ZNF205: variants seen among roughly 807,000 people sequenced by gnomAD.
ZNF205 encodes the protein zinc finger protein 205.
Under a neutral mutation model 53.6 loss-of-function variants are expected in ZNF205, and 32 were observed. That is an observed-to-expected ratio of 0.60 (90% CI 0.45 to 0.80). ZNF205 has a LOEUF of 0.80. Ranked by LOEUF, ZNF205 falls within the 30% of genes least tolerant of loss-of-function variation. ZNF205 has a pLI of 0.00. For missense variants in ZNF205, 836 were observed against 782.4 expected (o/e 1.07, Z -0.82); for synonymous variants, 382 against 334.3 (o/e 1.14, Z -1.56).
chr16:3,116,365 A>G (rs1957345404), intron 4 of ZNF205, 62 bp from the exon 5 acceptor site: 1 of 1,599,002 alleles, frequency 6.3e-7, no homozygotes, highest in Middle Eastern at 1.7e-4. Flanking sequence ...ATCTCATGCC[A>G]TGGTGTCCCT....
In ZNF205 at chr16:3,120,413, G is replaced by C. The variant is rs1369341640; in HGVS notation, c.*88G>C. 2.2e-6 allele frequency: 3 copies of C among 1,394,508 alleles called. No homozygotes were observed. Among genetic ancestry groups the C allele is most frequent in the East Asian group, 2.5e-5 (1 of 39,932 alleles). 86.4% of individuals were successfully genotyped at this position (1,394,508 alleles called of 1,614,324 possible). A position where few individuals can be genotyped will look rare whatever the true frequency, so the allele number is the denominator to read the frequency against. Reference sequence around the variant, plus strand: ...CTCCGAGGGAGGAGAGAGGGGCTCGGGAAGGGAGCTGGGGCGGTGAGGGCA... The same window carrying C: ...CTCCGAGGGAGGAGAGAGGGGCTCGCGAAGGGAGCTGGGGCGGTGAGGGCA... On this transcript the variant is annotated 3_prime_UTR_variant, in exon 7 of 7. Coordinates refer to ENST00000219091, the MANE Select transcript of ZNF205 (RefSeq NM_001042428.2).
intron 2 of ZNF205, chr16:3,115,065 C>T: frequency 3.6e-6 from 1 of 279,172 alleles, no homozygotes; most frequent in African/African-American, 2.2e-5. Flanking sequence ...CACTTGGTTT[C>T]TTCATACACT....
rs969116177 is a variant in ZNF205, at chr16:3,120,091, C to T, written c.1431C>T (p.His477=). 7 of 1,613,788 alleles carry T rather than the reference C, an allele frequency of 4.3e-6. No individual in the cohort carries two copies. Among genetic ancestry groups the T allele is most frequent in the Non-Finnish European group, 5.9e-6 (7 of 1,179,866 alleles). The change falls in exon 7 of 7, where the codon CAC becomes CAT. Residue 477 remains histidine, a synonymous_variant. Coordinates refer to ENST00000219091, the MANE Select transcript of ZNF205 (RefSeq NM_001042428.2). ...CACACACAGGCGAGAAGCCCTACCA[C>T]TGCCTCGACTGCGGCAAGAGCTTCA... The part of the protein sequence containing the change: ...NRTHTGEKPY[H]CLDCGKSFSH...
At position 3,115,520 on chromosome 16, in the gene ZNF205, C is replaced by A; in HGVS notation, c.223C>A (p.Pro75Thr). The A allele has an allele frequency of 6.2e-7, 1 of 1,601,910 alleles. No homozygotes were observed. The highest frequency in any genetic ancestry group is 8.5e-7 in the Non-Finnish European group (1 of 1,175,584). Residue 75 changes from proline (P) to threonine (T), a missense_variant, in exon 3 of 7, where the codon CCC becomes ACC. Pro to Thr is a conservative substitution (Grantham distance 38, BLOSUM62 -1). Coordinates refer to ENST00000219091, the MANE Select transcript of ZNF205 (RefSeq NM_001042428.2). ...GGCTCAAGGTGCCTGGGGCTGGGCA[C>A]CCCTAAGTCACGGCTCTAAGGAGAA... ...DGAQGAWGWA[P>T]LSHGSKEKAL...
In ZNF205 at chr16:3,116,245, T is replaced by C. The variant is rs1034312265; in HGVS notation, c.364-182T>C. 3.2e-5 allele frequency: 26 copies of C among 821,348 alleles called. No homozygotes were observed. In the Admixed American group the frequency reaches 7.1e-4, roughly 22 times the overall value. 50.9% of individuals were successfully genotyped at this position (821,348 alleles called of 1,614,324 possible). A position where few individuals can be genotyped will look rare whatever the true frequency, so the allele number is the denominator to read the frequency against. Reference sequence around the variant, plus strand: ...CCTGAAAATACCTCTTGGTCTTTGTTCTTTCTCAACTCCCCAGAAGGCCTT... The same window carrying C: ...CCTGAAAATACCTCTTGGTCTTTGTCCTTTCTCAACTCCCCAGAAGGCCTT... On this transcript the variant is annotated intron_variant, in intron 4 of 6. Coordinates refer to ENST00000219091, the MANE Select transcript of ZNF205 (RefSeq NM_001042428.2).
At chr16:3,113,706 A>C (rs1429164388) in intron 2 of ZNF205, among the ~76,000 whole-genome samples, 1 of 152,114 alleles carries the variant, frequency 6.6e-6, no homozygotes, top group Non-Finnish European at 1.5e-5. Flanking sequence ...CAGGAGATGG[A>C]AGAGGTCTGG....
In ZNF205 at chr16:3,120,417, G is replaced by A. The variant is rs1291398008; in HGVS notation, c.*92G>A. On this transcript the variant is annotated 3_prime_UTR_variant, in exon 7 of 7. Transcript: ENST00000219091. ...GAGGGAGGAGAGAGGGGCTCGGGAA[G>A]GGAGCTGGGGCGGTGAGGGCATGGG... The A allele has an allele frequency of 2.9e-6, 4 of 1,380,098 alleles. No homozygotes were observed. Among genetic ancestry groups the A allele is most frequent in the Non-Finnish European group, 3.8e-6 (4 of 1,049,160 alleles). The allele number at this position is 1,380,098 out of a possible 1,614,324, so 85.5% of individuals were successfully genotyped here. A position where few individuals can be genotyped will look rare whatever the true frequency, so the allele number is the denominator to read the frequency against.
Position 3,118,827 on chromosome 16 carries a change from A to G in ZNF205, c.485-78A>G, listed in dbSNP as rs554245803. On this transcript the variant is annotated intron_variant, in intron 5 of 6. Transcript: ENST00000219091. ...AGAGCCTCACCCCCTACTTGGGCCCATCAGTTTTGGGGAGATGCTGTCTGC... is the reference window on the plus strand; with the variant it reads ...AGAGCCTCACCCCCTACTTGGGCCCGTCAGTTTTGGGGAGATGCTGTCTGC... The G allele has an allele frequency of 8.9e-6, 13 of 1,452,572 alleles. No individual in the cohort carries two copies. The East Asian group carries it at 2.8e-4, about 32-fold the overall frequency. 90.0% of individuals were successfully genotyped at this position (1,452,572 alleles called of 1,614,324 possible).
At chr16:3,116,644 T>C (rs1957350059) in intron 5 of ZNF205, 97 bp downstream of exon 5, 3 of 1,491,404 alleles carry the variant, frequency 2.0e-6, no homozygotes, top group Middle Eastern at 2.3e-4. Context: ...CTCCCACCCT[T>C]CTCCTTGTCC....
chr16:3,116,469 G>A lies in ZNF205; in HGVS notation c.406G>A (p.Glu136Lys). 2 of 1,614,142 alleles carry A rather than the reference G, an allele frequency of 1.2e-6. No individual in the cohort carries two copies. Among genetic ancestry groups the A allele is most frequent in the East Asian group, 2.2e-5 (1 of 44,886 alleles). The part of the protein sequence containing the change: ...FEDVALYLSR[E>K]EWGRLDHTQQ... ...GGATGTGGCCTTGTACCTCTCCCGGGAGGAGTGGGGACGGCTGGACCACAC... is the reference window on the plus strand; with the variant it reads ...GGATGTGGCCTTGTACCTCTCCCGGAAGGAGTGGGGACGGCTGGACCACAC... The change falls in exon 5 of 7, where the codon GAG (glutamate) becomes AAG (lysine). Residue 136 changes from glutamate to lysine, a missense_variant. Transcript: ENST00000219091.
chr16:3,115,157 C>T (rs573803567), intron 2 of ZNF205, 198 bp from the exon 3 acceptor site: 7 of 407,630 alleles, frequency 1.7e-5, no homozygotes, highest in East Asian at 7.4e-5. Flanking sequence ...CCACGCCCAC[C>T]GGCACTGTGG....
chr16:3,119,703 G>T lies in ZNF205; in HGVS notation c.1043G>T (p.Ser348Ile). The T allele has an allele frequency of 6.2e-7, 1 of 1,613,162 alleles. No individual in the cohort carries two copies. The highest frequency in any genetic ancestry group is 1.1e-5 in the South Asian group (1 of 91,058). ...GACTGCGGGAAGCGCTTCGGCCGCA[G>T]CTCGCACCTCATCCAGCACCAGATC... The part of the protein sequence containing the change: ...CTDCGKRFGR[S>I]SHLIQHQIIH... The change falls in exon 7 of 7, where the codon AGC becomes ATC. Residue 348 changes from serine (S) to isoleucine (I), a missense_variant. Transcript: ENST00000219091.
In ZNF205 at chr16:3,118,529, A is replaced by G. The variant is rs1312254704; in HGVS notation, c.485-376A>G. On this transcript the variant is annotated intron_variant, in intron 5 of 6. Transcript: ENST00000219091. Reference sequence around the variant, plus strand: ...ACCCCCCCAAGACTTGACAAATGGGATGACCTTAGTCGTTGGAGATCCTGG... The same window carrying G: ...ACCCCCCCAAGACTTGACAAATGGGGTGACCTTAGTCGTTGGAGATCCTGG... Among the ~76,000 whole-genome samples the G allele has an allele frequency of 9.2e-5, 14 of 152,252 alleles. No homozygotes were observed. The East Asian group carries it at 2.5e-3, about 27-fold the overall frequency.
At chr16:3,119,075 C>G (rs950797941) in intron 6 of ZNF205, 60 bp downstream of exon 6, 23 of 1,583,130 alleles carry the variant, frequency 1.5e-5, no homozygotes, top group Middle Eastern at 4.4e-4. Context: ...GGCCTTCTGG[C>G]TGTTGTCTGT....
intron 3 of ZNF205, 98 bp from the exon 4 acceptor site, chr16:3,115,717 GCCATCCGACCCTGT>G: frequency 7.2e-7 from 1 of 1,393,758 alleles, no homozygotes; most frequent in Non-Finnish European, 9.7e-7. Context: ...CAGCGTCAGA[GCCATCCGACCCTGT>G]CCTTGGGTCG....
chr16:3,119,820 C>G lies in ZNF205; in HGVS notation c.1160C>G (p.Thr387Ser). Residue 387 changes from threonine to serine, a missense_variant, in exon 7 of 7, where the codon ACC becomes AGC. Transcript: ENST00000219091. Reference protein sequence around the residue: ...STLIQHQRIHTGEKPYVCDRC... With the variant: ...STLIQHQRIHSGEKPYVCDRC... ...CTGATTCAGCACCAGCGCATCCACA[C>G]CGGAGAGAAGCCCTACGTGTGCGAC... 6.2e-7 allele frequency: 1 copy of G among 1,613,534 alleles called. No individual in the cohort carries two copies. The highest frequency in any genetic ancestry group is 8.5e-7 in the Non-Finnish European group (1 of 1,179,846).
In ZNF205 at chr16:3,120,454, C is replaced by T. The variant is rs752430574; in HGVS notation, c.*129C>T. The T allele has an allele frequency of 2.0e-5, 23 of 1,138,630 alleles. No homozygotes were observed. The South Asian group carries it at 2.9e-4, about 15-fold the overall frequency. The allele number at this position is 1,138,630 out of a possible 1,614,324, so 70.5% of individuals were successfully genotyped here. ...GGTGAGGGCATGGGGTGAGGCATGG[C>T]GATGGGGGAGGGCGAGGGCGAGAAA... On this transcript the variant is annotated 3_prime_UTR_variant, in exon 7 of 7. Transcript: ENST00000219091.
intron 2 of ZNF205, among the ~76,000 whole-genome samples, chr16:3,113,969 G>A (rs1444509675): frequency 1.3e-5 from 2 of 151,964 alleles, no homozygotes; most frequent in Non-Finnish European, 2.9e-5. Context: ...ATGAGTCAGC[G>A]ACAGGCCAGG....
rs1714946119 is a variant in ZNF205, at chr16:3,120,183, T to C, written c.1523T>C (p.Leu508Ser). 6.2e-7 allele frequency: 1 copy of C among 1,606,566 alleles called. No individual in the cohort carries two copies. The highest frequency in any genetic ancestry group is 1.3e-5 in the African/African-American group (1 of 74,880). Residue 508 changes from leucine to serine, a missense_variant, in exon 7 of 7, where the codon TTG (leucine) becomes TCG (serine). Leu to Ser is a moderately radical substitution (Grantham distance 145). Coordinates refer to ENST00000219091, the MANE Select transcript of ZNF205 (RefSeq NM_001042428.2). The stretch of plus-strand genomic sequence containing the variant: ...GGCGTGCGGCCCTACGCCTGCCCGT[T>C]GTGCGGCAAGAGCTTCAGCCGGCGC... ...HRGVRPYACP[L>S]CGKSFSRRSN... is the part of the protein sequence containing the mutation.
Sources: allele counts gnomAD v4.1 joint callset (sites outside exome capture counted in the v4.1 genomes callset), GRCh38; gene constraint gnomAD v4.1.1; transcripts MANE v1.5; gene names NCBI Gene and HGNC (gene_info 2026-07-23, HGNC 2026-07-21).